AAGAB: variants seen among roughly 807,000 people sequenced by gnomAD.
AAGAB encodes alpha- and gamma-adaptin-binding protein p34.
A neutral mutation model predicts 44.1 loss-of-function variants in AAGAB; 38 were observed. The ratio of observed to expected loss-of-function variants is 0.86; its 90% CI spans 0.67 to 1.13. AAGAB has a LOEUF of 1.13. Among genes scored for constraint, AAGAB ranks in the 50% most tolerant of loss-of-function variants. AAGAB has a pLI of 0.00. For missense variants in AAGAB, 450 were observed against 373.8 expected (o/e 1.20, Z -1.68); for synonymous variants, 131 against 131.8 (o/e 0.99, Z 0.04).
In AAGAB at chr15:67,201,806, G is replaced by A. The variant is rs1408022556; in HGVS notation, c.*1015C>T. ...GATAAAGAACAAAAGATAGTCCTCC[G>A]AGGTTACAGGCTTGGAAGGGCAGAG... is the stretch of plus-strand genomic sequence containing the variant. On this transcript the variant is annotated 3_prime_UTR_variant, in exon 10 of 10. Transcript: ENST00000261880. 1 of 152,288 alleles carries A rather than the reference G, an allele frequency of 6.6e-6. No homozygotes were observed. The highest frequency in any genetic ancestry group is 2.4e-5 in the African/African-American group (1 of 41,448). The allele number at this position is 152,288 out of a possible 1,614,324, so 9.4% of individuals were successfully genotyped here. A position where few individuals can be genotyped will look rare whatever the true frequency, so the allele number is the denominator to read the frequency against.
upstream of AAGAB, chr15:67,254,879 C>G (rs1965057955): frequency 6.2e-7 from 1 of 1,612,396 alleles, no homozygotes; most frequent in Non-Finnish European, 8.5e-7. Context: ...GCGGAGGTAG[C>G]CGTTCCCTGA....
upstream of AAGAB, chr15:67,254,739 C>G: frequency 7.4e-7 from 1 of 1,357,760 alleles, no homozygotes; most frequent in Non-Finnish European, 1.0e-6. Context: ...CTCGGAATGA[C>G]CAGGCTGGCC....
chr15:67,248,257 C>T (rs1435968273), intron 1 of AAGAB, among the ~76,000 whole-genome samples: 1 of 152,108 alleles, frequency 6.6e-6, no homozygotes, highest in African/African-American at 2.4e-5. Flanking sequence ...CAATCAGTTC[C>T]CTCACCCCAG....
At chr15:67,220,175 G>A (rs1462954021) in intron 5 of AAGAB, among the ~76,000 whole-genome samples, 4 of 152,166 alleles carry the variant, frequency 2.6e-5, no homozygotes, top group African/African-American at 9.7e-5. Flanking sequence ...CATTCCAGAT[G>A]ATCTAAATTA....
Position 67,236,733 on chromosome 15 carries a change from T to A in AAGAB, c.161A>T (p.Tyr54Phe). 1.2e-6 allele frequency: 2 copies of A among 1,613,382 alleles called. No individual in the cohort carries two copies. Among genetic ancestry groups the A allele is most frequent in the Non-Finnish European group, 1.7e-6 (2 of 1,179,428 alleles). Reference protein sequence around the residue: ...FYPWTIDNKYYSADINLCVVP... With the variant: ...FYPWTIDNKYFSADINLCVVP... ...CACACATAGATTGATGTCTGCTGAA[T>A]AGTATTTATTATCAATGGTCCAGGG... The change falls in exon 2 of 10, where the codon TAT (tyrosine) becomes TTT (phenylalanine). Residue 54 changes from tyrosine (Y) to phenylalanine (F), a missense_variant. Tyr to Phe is a conservative substitution (Grantham distance 22). Coordinates refer to ENST00000261880, the MANE Select transcript of AAGAB (RefSeq NM_024666.5).
chr15:67,254,491 G>A (rs912358276), intron 1 of AAGAB, 68 bp downstream of exon 1: 101 of 1,521,744 alleles, frequency 6.6e-5, no homozygotes, highest in Non-Finnish European at 8.1e-5. Flanking sequence ...GAGAGGCCGT[G>A]GTGCTGGGTC....
intron 1 of AAGAB, among the ~76,000 whole-genome samples, chr15:67,253,260 CGGGGGGG>C (rs35166457): frequency 3.7e-5 from 3 of 81,880 alleles, no homozygotes; most frequent in African/African-American, 1.2e-4. Flanking sequence ...CCCCGTATGA[CGGGGGGG>C]GGGGGGGGCA....
intron 5 of AAGAB, among the ~76,000 whole-genome samples, chr15:67,222,823 T>G (rs1344853241): frequency 1.3e-5 from 2 of 152,174 alleles, no homozygotes; most frequent in Non-Finnish European, 2.9e-5. Context: ...TCTCTCCAGC[T>G]CTCACCTATT....
chr15:67,245,458 T>A (rs1964698279), intron 1 of AAGAB, among the ~76,000 whole-genome samples: 2 of 152,210 alleles, frequency 1.3e-5, no homozygotes, highest in Admixed American at 1.3e-4. Flanking sequence ...AGTACATTAG[T>A]GGTTTCACGG....
At chr15:67,243,645 C>G (rs946500444) in intron 1 of AAGAB, among the ~76,000 whole-genome samples, 1 of 152,030 alleles carries the variant, frequency 6.6e-6, no homozygotes, top group Non-Finnish European at 1.5e-5. Flanking sequence ...TCAACAGTGC[C>G]GAAGCTGAGA....
At chr15:67,246,994 C>G (rs1225183554) in intron 1 of AAGAB, among the ~76,000 whole-genome samples, 1 of 152,242 alleles carries the variant, frequency 6.6e-6, no homozygotes, top group Non-Finnish European at 1.5e-5. Context: ...CTGCTGCTCA[C>G]TCTTTGGGTC....
intron 5 of AAGAB, among the ~76,000 whole-genome samples, chr15:67,219,077 A>G (rs1419028775): frequency 1.5e-4 from 23 of 152,156 alleles, no homozygotes; most frequent in Admixed American, 1.1e-3. Context: ...AATGAATCCA[A>G]TGGTATCTGG....
chr15:67,225,259 A>G (rs961179464), intron 5 of AAGAB, among the ~76,000 whole-genome samples: 13 of 152,210 alleles, frequency 8.5e-5, no homozygotes, highest in African/African-American at 2.4e-4. Flanking sequence ...TTTTGTGAGG[A>G]TTAAATAAGA....
chr15:67,228,626 A>G (rs1595997736), intron 5 of AAGAB, among the ~76,000 whole-genome samples: 1 of 152,328 alleles, frequency 6.6e-6, no homozygotes, highest in South Asian at 2.1e-4. Flanking sequence ...ATTACTCAGT[A>G]TACACCCAAA....
At position 67,250,301 on chromosome 15, in the gene AAGAB, T is replaced by C. The variant is rs1328915579; in HGVS notation, c.73+4258A>G. Among the ~76,000 whole-genome samples the C allele has an allele frequency of 3.9e-5, 6 of 152,244 alleles. No individual in the cohort carries two copies. In the South Asian group the frequency reaches 1.0e-3, roughly 26 times the overall value. On this transcript the variant is annotated intron_variant, in intron 1 of 9. Coordinates refer to ENST00000261880, the MANE Select transcript of AAGAB (RefSeq NM_024666.5). ...AAGTGACCCTCCTGCCTCAGCCACC[T>C]GAGTAGCTAGGATTATAGGCACGCA...
At chr15:67,207,042 T>A (rs188257519) in intron 7 of AAGAB, among the ~76,000 whole-genome samples, 1 of 152,148 alleles carries the variant, frequency 6.6e-6, no homozygotes, top group East Asian at 1.9e-4. Context: ...AAAACAAAAT[T>A]AGCTGGGCGT....
intron 5 of AAGAB, chr15:67,221,017 T>C (rs1384416261): frequency 6.6e-6 from 1 of 152,222 alleles, no homozygotes; most frequent in Non-Finnish European, 1.5e-5. Flanking sequence ...GGAAATCAGG[T>C]CCATATCTGC....
chr15:67,249,804 C>A (rs1049868293), intron 1 of AAGAB, among the ~76,000 whole-genome samples: 1 of 152,188 alleles, frequency 6.6e-6, no homozygotes, highest in African/African-American at 2.4e-5. Flanking sequence ...AGCACCTGGG[C>A]AAGTCATTTA....
rs527863477 is a variant in AAGAB at position 67,203,293 on chromosome 15, T to C, written c.870+255A>G. Among the ~76,000 whole-genome samples, 15 of 152,360 alleles carry C rather than the reference T, an allele frequency of 9.8e-5. No homozygotes were observed. The South Asian group carries it at 1.0e-3, about 11-fold the overall frequency. ...TAAAACAAAACAACTAAGAGTTTTC[T>C]GGCCCAATAGTTAGAAAGGCAAACA... On this transcript the variant is annotated intron_variant, in intron 9 of 9. Coordinates refer to ENST00000261880, the MANE Select transcript of AAGAB (RefSeq NM_024666.5).
Sources: gnomAD v4.1 joint callset for allele counts (sites outside exome capture counted in the v4.1 genomes callset) on GRCh38, gnomAD v4.1.1 for gene constraint, MANE v1.5 for transcripts, NCBI Gene and HGNC (gene_info 2026-07-23, HGNC 2026-07-21) for gene names.